Variants in MDGA2 observed in about 807,000 individuals in gnomAD.
MDGA2 encodes MAM domain-containing glycosylphosphatidylinositol anchor protein 2.
In MDGA2, 40 loss-of-function variants were observed where a neutral mutation model predicts 117.8. That is an observed-to-expected ratio of 0.34 (90% CI 0.26 to 0.44). MDGA2 has a LOEUF of 0.44. Ranked by LOEUF, MDGA2 falls within the 20% of genes least tolerant of loss-of-function variation. The pLI, the probability that MDGA2 is intolerant of heterozygous loss-of-function variation, is 1.00. For missense variants in MDGA2, 1,123 were observed against 1,250.6 expected (o/e 0.90, Z 1.54); for synonymous variants, 452 against 439.0 (o/e 1.03, Z -0.37).
At chr14:47,645,653 A>AT (rs1229842663) in intron 1 of MDGA2, among the ~76,000 whole-genome samples, 4 of 152,230 alleles carry the variant, frequency 2.6e-5, no homozygotes, top group Middle Eastern at 3.4e-3. Context: ...ATTATTATAC[A>AT]TTTTTTTAAG....
At chr14:47,444,398 C>A in intron 1 of MDGA2, 1 of 185,364 alleles carries the variant, frequency 5.4e-6, no homozygotes, top group East Asian at 1.3e-4. Flanking sequence ...CAGATGATGG[C>A]TCTGGAGCAC....
At chr14:46,872,846 C>G (rs746855085) in intron 14 of MDGA2, among the ~76,000 whole-genome samples, 3 of 151,924 alleles carry the variant, frequency 2.0e-5, no homozygotes, top group Non-Finnish European at 4.4e-5. Context: ...ATGTCATGCT[C>G]TATCTAGCAC....
intron 1 of MDGA2, among the ~76,000 whole-genome samples, chr14:47,512,416 TA>T (rs972701743): frequency 6.6e-6 from 1 of 152,136 alleles, no homozygotes; most frequent in African/African-American, 2.4e-5. Flanking sequence ...AATTCAACTG[TA>T]GTTCAAAATC....
At chr14:46,967,629 T>C (rs1252854345) in intron 8 of MDGA2, among the ~76,000 whole-genome samples, 1 of 152,146 alleles carries the variant, frequency 6.6e-6, no homozygotes, top group East Asian at 1.9e-4. Context: ...ACCCACTGCA[T>C]CTTTTCTATT....
intron 1 of MDGA2, among the ~76,000 whole-genome samples, chr14:47,334,114 A>T (rs1890372046): frequency 1.3e-5 from 2 of 151,892 alleles, no homozygotes; most frequent in South Asian, 2.1e-4. Context: ...TCTTCAAATG[A>T]CATATAAAAA....
intron 1 of MDGA2, among the ~76,000 whole-genome samples, chr14:47,459,571 T>C (rs1893439767): frequency 6.6e-6 from 1 of 151,796 alleles, no homozygotes; most frequent in Non-Finnish European, 1.5e-5. Context: ...TTTCCTTCCT[T>C]CCTTCTTTCC....
At chr14:47,331,182 C>A (rs547260065) in intron 1 of MDGA2, among the ~76,000 whole-genome samples, 1 of 13,040 alleles carries the variant, frequency 7.7e-5, no homozygotes, top group East Asian at 9.6e-3. Context: ...CATAAACATA[C>A]ATAAATTCCC....
At chr14:47,210,035 A>G (rs564165352) in intron 3 of MDGA2, among the ~76,000 whole-genome samples, 16 of 152,308 alleles carry the variant, frequency 1.1e-4, no homozygotes, top group African/African-American at 3.4e-4. Context: ...TGATGGTTCC[A>G]ATAAAAATAA....
chr14:47,464,718 G>GATATT (rs1893563974), intron 1 of MDGA2, among the ~76,000 whole-genome samples: 5 of 152,094 alleles, frequency 3.3e-5, no homozygotes, highest in African/African-American at 1.2e-4. Context: ...CTCATTGATA[G>GATATT]GAATAATCAA....
At chr14:47,429,277 G>GATATAT (rs35471496) in intron 1 of MDGA2, among the ~76,000 whole-genome samples, 182 of 149,500 alleles carry the variant, frequency 1.2e-3, no homozygotes, top group Middle Eastern at 7.2e-3. Flanking sequence ...CAAATATGAA[G>GATATAT]ATATATATAT....
At chr14:46,868,891 C>T (rs963941023) in intron 14 of MDGA2, among the ~76,000 whole-genome samples, 14 of 152,014 alleles carry the variant, frequency 9.2e-5, no homozygotes, top group Admixed American at 5.9e-4. Flanking sequence ...GCTGTTATTG[C>T]AGCTAGAAAT....
chr14:47,042,325 T>G (rs2416015), intron 7 of MDGA2, among the ~76,000 whole-genome samples: 50,531 of 133,392 alleles, frequency 0.38, 8,576 homozygotes, highest in East Asian at 0.46. Flanking sequence ...TTTTTTTTTT[T>G]TTTGTGTGTG....
At chr14:47,585,681 TTTC>T (rs143152162) in intron 1 of MDGA2, among the ~76,000 whole-genome samples, 4,827 of 151,952 alleles carry the variant, frequency 0.032, 264 homozygotes, top group African/African-American at 0.11. Flanking sequence ...GCTGCCATAA[TTTC>T]TTAATTCTCT....
At chr14:47,628,942 C>A (rs1897203218) in intron 1 of MDGA2, among the ~76,000 whole-genome samples, 1 of 152,216 alleles carries the variant, frequency 6.6e-6, no homozygotes, top group African/African-American at 2.4e-5. Flanking sequence ...AGAGCCATCC[C>A]ACCTCCAGAA....
chr14:47,082,634 C>A (rs1375502759), intron 6 of MDGA2, among the ~76,000 whole-genome samples: 4 of 151,828 alleles, frequency 2.6e-5, no homozygotes, highest in Non-Finnish European at 4.4e-5. Flanking sequence ...ATTTCTGAAG[C>A]AAGATAACCT....
intron 2 of MDGA2, among the ~76,000 whole-genome samples, chr14:47,284,331 T>C (rs1464128390): frequency 6.6e-6 from 1 of 152,084 alleles, no homozygotes; most frequent in African/African-American, 2.4e-5. Flanking sequence ...TTAATATGGC[T>C]AAAGAAAGAA....
chr14:47,446,862 C>T (rs1893134190), intron 1 of MDGA2, among the ~76,000 whole-genome samples: 1 of 152,022 alleles, frequency 6.6e-6, no homozygotes, highest in Non-Finnish European at 1.5e-5. Context: ...TATTAATATC[C>T]ATGATATTTA....
chr14:47,177,497 T>C (rs925032216), intron 3 of MDGA2, among the ~76,000 whole-genome samples: 3 of 152,174 alleles, frequency 2.0e-5, no homozygotes, highest in Non-Finnish European at 4.4e-5. Context: ...TCATGTCCTT[T>C]GTAGGGACAT....
At chr14:47,666,616 G>T (rs967785717) in intron 1 of MDGA2, among the ~76,000 whole-genome samples, 1 of 152,136 alleles carries the variant, frequency 6.6e-6, no homozygotes. Flanking sequence ...AGACCAATCG[G>T]CTCTCTGTAA....
Sources: gnomAD v4.1 joint callset for allele counts (sites outside exome capture counted in the v4.1 genomes callset) on GRCh38, gnomAD v4.1.1 for gene constraint, MANE v1.5 for transcripts, NCBI Gene and HGNC (gene_info 2026-07-23, HGNC 2026-07-21) for gene names.